Variants in CACNG2 observed in about 807,000 individuals in gnomAD.
CACNG2 encodes calcium voltage-gated channel auxiliary subunit gamma 2, also known as voltage-dependent calcium channel gamma-2 subunit.
A neutral mutation model predicts 25.9 loss-of-function variants in CACNG2; 3 were observed. The ratio of observed to expected loss-of-function variants is 0.12; its 90% CI spans 0.05 to 0.30. The LOEUF is 0.30. Among genes scored for constraint, CACNG2 ranks in the 10% least tolerant of loss-of-function variants. The pLI is 1.00. For missense variants in CACNG2, 341 were observed against 432.5 expected (o/e 0.79, Z 1.88); for synonymous variants, 167 against 173.3 (o/e 0.96, Z 0.29).
At chr22:36,670,749 A>C (rs1292483181) in intron 1 of CACNG2, among the ~76,000 whole-genome samples, 1 of 151,838 alleles carries the variant, frequency 6.6e-6, no homozygotes, top group Non-Finnish European at 1.5e-5. Flanking sequence ...CTCCCACCTC[A>C]GTCCCTCAAG....
intron 1 of CACNG2, among the ~76,000 whole-genome samples, chr22:36,610,864 C>A (rs528062877): frequency 6.6e-6 from 1 of 152,286 alleles, no homozygotes; most frequent in South Asian, 2.1e-4. Flanking sequence ...CCTCTGCCAC[C>A]CTCGCTTAGG....
At chr22:36,673,822 T>G (rs1159255194) in intron 1 of CACNG2, among the ~76,000 whole-genome samples, 1 of 152,084 alleles carries the variant, frequency 6.6e-6, no homozygotes, top group Non-Finnish European at 1.5e-5. Context: ...TTACAGTTTA[T>G]GAAGCATGAG....
At chr22:36,669,663 C>T (rs1031984935) in intron 1 of CACNG2, among the ~76,000 whole-genome samples, 1 of 152,036 alleles carries the variant, frequency 6.6e-6, no homozygotes, top group Non-Finnish European at 1.5e-5. Flanking sequence ...ACTCTCTTTC[C>T]ATAGTTAATC....
chr22:36,594,461 C>G (rs151194598), intron 1 of CACNG2, among the ~76,000 whole-genome samples: 224 of 152,336 alleles, frequency 1.5e-3, no homozygotes, highest in African/African-American at 5.2e-3. Flanking sequence ...CCTCAAGGAA[C>G]TTGCAGTCTA....
chr22:36,664,958 C>T (rs994775041), intron 1 of CACNG2, among the ~76,000 whole-genome samples: 1 of 152,084 alleles, frequency 6.6e-6, no homozygotes, highest in African/African-American at 2.4e-5. Context: ...GGGTAGGACC[C>T]CATGAAGGGC....
chr22:36,609,511 C>A (rs987352023), intron 1 of CACNG2, among the ~76,000 whole-genome samples: 1 of 143,390 alleles, frequency 7.0e-6, no homozygotes, highest in Admixed American at 6.9e-5. Flanking sequence ...GGAATCAACC[C>A]CCTAGAGTGT....
chr22:36,596,064 A>G (rs927267882), intron 1 of CACNG2, among the ~76,000 whole-genome samples: 1 of 152,248 alleles, frequency 6.6e-6, no homozygotes, highest in African/African-American at 2.4e-5. Context: ...TAGGGGCTGA[A>G]CAGACTCTGT....
At chr22:36,576,812 C>G (rs965206548) in intron 2 of CACNG2, among the ~76,000 whole-genome samples, 2 of 152,160 alleles carry the variant, frequency 1.3e-5, no homozygotes, top group African/African-American at 4.8e-5. Flanking sequence ...CTGATCATCT[C>G]ACCCTCATAG....
At position 36,564,171 on chromosome 22, in the gene CACNG2, G is replaced by C; in HGVS notation, c.*180C>G. 2.0e-6 allele frequency: 1 copy of C among 489,910 alleles called. No individual in the cohort carries two copies. The highest frequency in any genetic ancestry group is 3.5e-6 in the Non-Finnish European group (1 of 286,912). 30.3% of individuals were successfully genotyped at this position (489,910 alleles called of 1,614,324 possible). A position where few individuals can be genotyped will look rare whatever the true frequency, so the allele number is the denominator to read the frequency against. ...TTGTTCTTTTTTTTAAAATTTACTTGTTATGTTTTTTCTCTTTTTTTGTGT... is the reference window on the plus strand; with the variant it reads ...TTGTTCTTTTTTTTAAAATTTACTTCTTATGTTTTTTCTCTTTTTTTGTGT... On this transcript the variant is annotated 3_prime_UTR_variant, in exon 4 of 4. Transcript: ENST00000300105. This position sits in a 1 kb window ranked among gnomAD's most constrained non-coding sequence, Gnocchi z 6.7.
At chr22:36,624,399 C>G (rs1264977190) in intron 1 of CACNG2, among the ~76,000 whole-genome samples, 1 of 152,158 alleles carries the variant, frequency 6.6e-6, no homozygotes, top group Non-Finnish European at 1.5e-5. Flanking sequence ...GGAATGCTCT[C>G]TTTTCCAGAT....
intron 1 of CACNG2, among the ~76,000 whole-genome samples, chr22:36,596,990 G>A (rs965378610): frequency 1.3e-5 from 2 of 151,666 alleles, no homozygotes; most frequent in African/African-American, 4.8e-5. Flanking sequence ...GGGCTCAAGC[G>A]ATCCGCCCTC....
intron 1 of CACNG2, among the ~76,000 whole-genome samples, chr22:36,629,776 TGAA>T (rs1936239805): frequency 6.6e-6 from 1 of 152,152 alleles, no homozygotes; most frequent in Non-Finnish European, 1.5e-5. Flanking sequence ...AAGGACGCAG[TGAA>T]GAAGACAGAG....
chr22:36,681,369 G>A (rs73171845), intron 1 of CACNG2, among the ~76,000 whole-genome samples: 1 of 152,258 alleles, frequency 6.6e-6, no homozygotes, highest in South Asian at 2.1e-4. Flanking sequence ...GGGAAAAGGG[G>A]CACATCTTTT....
chr22:36,682,958 A>G lies in CACNG2; in HGVS notation c.211+19408T>C, dbSNP rs1428180048. ...TTTCTCTCAGGCCATCTGTCTGGCT[A>G]TTAAAATCCCATCAGCTTCATTGCG... On this transcript the variant is annotated intron_variant, in intron 1 of 3. Coordinates refer to ENST00000300105, the MANE Select transcript of CACNG2 (RefSeq NM_006078.5). Among the ~76,000 whole-genome samples the G allele has an allele frequency of 1.3e-5, 2 of 152,152 alleles. 1 individual carries two copies. The highest frequency in any genetic ancestry group is 2.9e-5 in the Non-Finnish European group (2 of 68,022).
At chr22:36,586,958 T>TC (rs61166976) in intron 2 of CACNG2, among the ~76,000 whole-genome samples, 8,843 of 137,624 alleles carry the variant, frequency 0.064, 853 homozygotes, top group African/African-American at 0.21. Context: ...AATCTCTCTC[T>TC]TTTTTTTTTT....
At chr22:36,578,844 G>A (rs560663358) in intron 2 of CACNG2, among the ~76,000 whole-genome samples, 8 of 152,160 alleles carry the variant, frequency 5.3e-5, no homozygotes, top group Non-Finnish European at 7.3e-5. Context: ...TGTGCTGGAG[G>A]GGGTGGATGG....
At chr22:36,663,101 C>T (rs1936823613) in intron 1 of CACNG2, among the ~76,000 whole-genome samples, 1 of 152,076 alleles carries the variant, frequency 6.6e-6, no homozygotes, top group African/African-American at 2.4e-5. Flanking sequence ...CATCCTCCTC[C>T]ATGGTTTAAG....
chr22:36,609,084 G>C (rs1352697400), intron 1 of CACNG2, among the ~76,000 whole-genome samples: 4 of 152,210 alleles, frequency 2.6e-5, no homozygotes. Flanking sequence ...ATATGGATAT[G>C]TGAGTCTCTT....
At chr22:36,615,460 C>T (rs762685517) in intron 1 of CACNG2, among the ~76,000 whole-genome samples, 11 of 152,226 alleles carry the variant, frequency 7.2e-5, no homozygotes, top group East Asian at 1.9e-4. Flanking sequence ...GACTTCCCCT[C>T]TGGGCCTCTT....
Sources: gnomAD v4.1 joint callset for allele counts (sites outside exome capture counted in the v4.1 genomes callset) on GRCh38, gnomAD v4.1.1 for gene constraint, Gnocchi (gnomAD v3.1) non-coding constraint, MANE v1.5 for transcripts, NCBI Gene and HGNC (gene_info 2026-07-23, HGNC 2026-07-21) for gene names.